HELZ: variants seen among roughly 807,000 people sequenced by gnomAD.
HELZ encodes the protein helicase with zinc finger.
A neutral mutation model predicts 218.2 loss-of-function variants in HELZ; 23 were observed. That is an observed-to-expected ratio of 0.11 (90% CI 0.08 to 0.15). The LOEUF (loss-of-function observed/expected upper bound fraction) is 0.15, where lower values mean the gene tolerates loss of function less well. HELZ is among the 10% of genes least tolerant of loss of function. HELZ has a pLI of 1.00. For synonymous variants in HELZ, 814 were observed against 829.4 expected (o/e 0.98, Z 0.32); for missense variants, 1,813 against 2,353.7 (o/e 0.77, Z 4.75).
chr17:67,078,090 TA>T lies in HELZ; in HGVS notation c.*161del, dbSNP rs1416427735. ...AAATGCAAAATAATGGAATATACTT[TA>T]AAAAAATTAGTTGCAAGTCTAGCAG... On this transcript the variant is annotated 3_prime_UTR_variant, in exon 33 of 33. Transcript: ENST00000358691. 1.4e-5 allele frequency: 8 copies of T among 580,206 alleles called. No individual in the cohort carries two copies. Among genetic ancestry groups the T allele is most frequent in the Non-Finnish European group, 2.4e-5 (8 of 331,136 alleles). The allele number at this position is 580,206 out of a possible 1,614,324, so 35.9% of individuals were successfully genotyped here. A position where few individuals can be genotyped will look rare whatever the true frequency, so the allele number is the denominator to read the frequency against.
chr17:67,094,220 G>A (rs1440106677), intron 31 of HELZ, among the ~76,000 whole-genome samples: 1 of 152,122 alleles, frequency 6.6e-6, no homozygotes, highest in Non-Finnish European at 1.5e-5. Context: ...TACTTAGGGG[G>A]CTGAGGTGGG....
chr17:67,128,335 TTC>T (rs1402488399), intron 24 of HELZ, among the ~76,000 whole-genome samples: 4 of 152,202 alleles, frequency 2.6e-5, no homozygotes, highest in Non-Finnish European at 1.5e-5. Context: ...TCTTTTAAAC[TTC>T]TTTGTTTTAT....
Position 67,109,702 on chromosome 17 carries a change from A to G in HELZ, c.3919-16T>C, listed in dbSNP as rs1323128212. 1 of 1,583,280 alleles carries G rather than the reference A, an allele frequency of 6.3e-7. No homozygotes were observed. The highest frequency in any genetic ancestry group is 1.4e-5 in the African/African-American group (1 of 73,656). ...CCAAATCAACCTAGAAAAAAAGAAG[A>G]AGCCTTTTTTAACTGCAGAAGATTC... is the stretch of plus-strand genomic sequence containing the variant. On this transcript the variant is annotated splice_polypyrimidine_tract_variant and intron_variant, in intron 28 of 32. Transcript: ENST00000358691.
intron 5 of HELZ, among the ~76,000 whole-genome samples, chr17:67,215,520 T>C (rs565169843): frequency 2.6e-4 from 39 of 152,274 alleles, no homozygotes; most frequent in African/African-American, 9.4e-4. Context: ...AGCTAATTTT[T>C]GTAGTTTTAG....
At chr17:67,120,327 G>T in intron 27 of HELZ, 78 bp downstream of exon 27, 2 of 1,193,018 alleles carry the variant, frequency 1.7e-6, no homozygotes, top group Non-Finnish European at 1.2e-6. Context: ...CAATCATACT[G>T]TTAAAGGAAC....
chr17:67,141,637 C>T (rs4239072), intron 21 of HELZ, among the ~76,000 whole-genome samples: 91,446 of 151,600 alleles, frequency 0.6, 28,938 homozygotes, highest in East Asian at 0.88. Context: ...TTTCTATAGC[C>T]CATTGGAATT....
At chr17:67,086,674 T>G (rs2036402194) in intron 32 of HELZ, among the ~76,000 whole-genome samples, 155 bp downstream of exon 32, 1 of 101,122 alleles carries the variant, frequency 9.9e-6, no homozygotes, top group Non-Finnish European at 2.1e-5. Context: ...AGAATCAATA[T>G]AGTCCTAAAT....
At chr17:67,116,157 T>C (rs951506458) in intron 27 of HELZ, among the ~76,000 whole-genome samples, 1 of 149,116 alleles carries the variant, frequency 6.7e-6, no homozygotes, top group African/African-American at 2.5e-5. Context: ...ACTAGCAAAA[T>C]AATAAAACAA....
chr17:67,231,392 G>A (rs1039180639), intron 3 of HELZ, among the ~76,000 whole-genome samples: 1 of 151,820 alleles, frequency 6.6e-6, no homozygotes, highest in African/African-American at 2.4e-5. Context: ...AGGAGATCGA[G>A]ACCATCCTGG....
chr17:67,161,136 A>G, intron 15 of HELZ, 60 bp from the exon 16 acceptor site: 3 of 1,263,950 alleles, frequency 2.4e-6, no homozygotes, highest in Non-Finnish European at 3.3e-6. Context: ...AGAACATAAC[A>G]CACGAGTATC....
At chr17:67,143,202 G>A (rs1159023447) in intron 21 of HELZ, among the ~76,000 whole-genome samples, 1 of 152,056 alleles carries the variant, frequency 6.6e-6, no homozygotes, top group Non-Finnish European at 1.5e-5. Flanking sequence ...GTCCCACCAA[G>A]CCCAATGAAT....
intron 3 of HELZ, among the ~76,000 whole-genome samples, chr17:67,236,860 C>T (rs934792959): frequency 1.3e-5 from 2 of 152,080 alleles, no homozygotes; most frequent in African/African-American, 2.4e-5. Flanking sequence ...CTCAAAAGGA[C>T]CACCCCTCCC....
chr17:67,175,337 C>T (rs906025530), intron 13 of HELZ, among the ~76,000 whole-genome samples: 2 of 152,098 alleles, frequency 1.3e-5, no homozygotes, highest in Admixed American at 6.5e-5. Context: ...CTGCACTACA[C>T]CATAGCTTAG....
intron 5 of HELZ, among the ~76,000 whole-genome samples, chr17:67,214,259 C>CTTTTTTTTTTTTTTTTTTTT (rs777420102): frequency 1.1e-5 from 1 of 87,742 alleles, no homozygotes; most frequent in African/African-American, 4.7e-5. Flanking sequence ...ATTAATATTT[C>CTTTTTTTTTTTTTTTTTTTT]TTTTTTTTTT....
chr17:67,164,685 C>CA (rs1337964130), intron 15 of HELZ, among the ~76,000 whole-genome samples: 3 of 151,984 alleles, frequency 2.0e-5, no homozygotes, highest in African/African-American at 7.3e-5. Context: ...AAACAAACTT[C>CA]AAGGTAATTC....
At chr17:67,123,541 T>C (rs1598272782) in intron 25 of HELZ, among the ~76,000 whole-genome samples, 1 of 152,132 alleles carries the variant, frequency 6.6e-6, no homozygotes, top group African/African-American at 2.4e-5. Context: ...CCACATACAA[T>C]ATGAAAGTTA....
chr17:67,187,667 G>A (rs907909685), intron 12 of HELZ, among the ~76,000 whole-genome samples: 1 of 152,106 alleles, frequency 6.6e-6, no homozygotes, highest in African/African-American at 2.4e-5. Context: ...AGGAAATGTG[G>A]GCTAACATGT....
intron 13 of HELZ, chr17:67,172,989 A>G (rs2144189755): frequency 1.1e-6 from 1 of 912,306 alleles, no homozygotes. Flanking sequence ...GCAGGCATGA[A>G]AAGTTAATCT....
chr17:67,185,777 A>G (rs1231814254), intron 12 of HELZ, among the ~76,000 whole-genome samples: 1 of 152,206 alleles, frequency 6.6e-6, no homozygotes, highest in African/African-American at 2.4e-5. Context: ...TCTATCACAT[A>G]ACTACTTAAA....
Sources: allele counts gnomAD v4.1 joint callset (sites outside exome capture counted in the v4.1 genomes callset), GRCh38; gene constraint gnomAD v4.1.1; transcripts MANE v1.5; gene names NCBI Gene and HGNC (gene_info 2026-07-23, HGNC 2026-07-21).